The following GTF2IRD1 variants were observed in gnomAD, a reference collection of about 807,000 sequenced individuals.
GTF2IRD1 encodes the protein general transcription factor II-I repeat domain-containing protein 1.
Under a neutral mutation model 113.2 loss-of-function variants are expected in GTF2IRD1, and 26 were observed. That is an observed-to-expected ratio of 0.23 (90% confidence interval 0.17 to 0.32). The LOEUF is 0.32. GTF2IRD1 is among the 10% of genes least tolerant of loss of function. The pLI is 1.00. For missense variants in GTF2IRD1, 864 were observed against 1,280.8 expected (o/e 0.67, Z 4.97); for synonymous variants, 484 against 529.1 (o/e 0.91, Z 1.17).
rs782074135 is a variant in GTF2IRD1, at chr7:74,529,776, G to A, written c.1133G>A (p.Arg378Gln). 2.5e-6 allele frequency: 4 copies of A among 1,614,042 alleles called. No individual in the cohort carries two copies. Among genetic ancestry groups the A allele is most frequent in the Non-Finnish European group, 3.4e-6 (4 of 1,179,996 alleles). ...GACCACATGGTCCCCGTGCCCTACC[G>A]GAAGATTGCCTGTGACCCGGAGGCT... is the stretch of plus-strand genomic sequence containing the variant. ...GLDHMVPVPY[R>Q]KIACDPEAVE... Residue 378 changes from arginine to glutamine, a missense_variant, in exon 9 of 27, where the codon CGG becomes CAG. Around this residue, in one of 7 missense-constraint regions of GTF2IRD1, gnomAD observed 218 missense variants for 352.6 expected, o/e 0.62. Coordinates refer to ENST00000424337, the MANE Select transcript of GTF2IRD1 (RefSeq NM_005685.4).
At chr7:74,543,698 G>A (rs1489374024) in intron 14 of GTF2IRD1, among the ~76,000 whole-genome samples, 5 of 151,876 alleles carry the variant, frequency 3.3e-5, no homozygotes, top group Non-Finnish European at 5.9e-5. Context: ...CCAGGAGTTC[G>A]AGACCAGCTT....
At chr7:74,526,905 G>A (rs587696570) in intron 8 of GTF2IRD1, among the ~76,000 whole-genome samples, 2 of 152,256 alleles carry the variant, frequency 1.3e-5, no homozygotes, top group South Asian at 2.1e-4. Flanking sequence ...TGCCAAAGCC[G>A]CCAACGCAGA....
At chr7:74,522,278 A>G (rs1562831822) in intron 7 of GTF2IRD1, among the ~76,000 whole-genome samples, 3 of 151,976 alleles carry the variant, frequency 2.0e-5, no homozygotes, top group Non-Finnish European at 4.4e-5. Context: ...TTTTTAAAGT[A>G]TCACACAGAA....
intron 1 of GTF2IRD1, 143 bp from the exon 2 acceptor site, chr7:74,507,932 G>A: frequency 2.4e-6 from 2 of 832,888 alleles, no homozygotes; most frequent in Non-Finnish European, 3.6e-6. Context: ...CACACATAAA[G>A]CCCTTGGGCC....
intron 22 of GTF2IRD1, among the ~76,000 whole-genome samples, chr7:74,568,360 G>A (rs368634327): frequency 1.2e-3 from 61 of 50,948 alleles, no homozygotes; most frequent in Non-Finnish European, 1.7e-3. Context: ...AAAAAAGAAG[G>A]AGAAAGGGCC....
At chr7:74,576,114 T>C (rs1023360280) in intron 22 of GTF2IRD1, among the ~76,000 whole-genome samples, 3 of 151,684 alleles carry the variant, frequency 2.0e-5, no homozygotes, top group Non-Finnish European at 1.5e-5. Flanking sequence ...GAGCCACGAT[T>C]GTGCCACTGA....
intron 2 of GTF2IRD1, among the ~76,000 whole-genome samples, chr7:74,508,425 C>T (rs1284357873): frequency 2.6e-5 from 4 of 152,180 alleles, no homozygotes; most frequent in African/African-American, 9.7e-5. Flanking sequence ...GGCACAGTGG[C>T]TCATGCCTGT....
chr7:74,457,443 G>A (rs1343027144), intron 1 of GTF2IRD1, among the ~76,000 whole-genome samples: 12 of 152,106 alleles, frequency 7.9e-5, no homozygotes, highest in African/African-American at 2.7e-4. Context: ...ATGAAATCCT[G>A]CTCTTGAGCC....
rs782343426 is a variant in GTF2IRD1, at chr7:74,601,145, G to C, written c.2731G>C (p.Asp911His). 6.2e-7 allele frequency: 1 copy of C among 1,609,486 alleles called. No individual in the cohort carries two copies. Among genetic ancestry groups the C allele is most frequent in the Non-Finnish European group, 8.5e-7 (1 of 1,177,770 alleles). ...SSSSSSSSNP[D>H]SVASANQISL... ...TTCCTCTTCCTCGTCCTCTAACCCG[G>C]ATTCAGTGGCATCGGCCAACCAGAT... Residue 911 changes from aspartate to histidine, a missense_variant, in exon 26 of 27, where the codon GAT (aspartate) becomes CAT (histidine). Physicochemically the swap from Asp to His is moderately conservative, Grantham distance 81. Coordinates refer to ENST00000424337, the MANE Select transcript of GTF2IRD1 (RefSeq NM_005685.4).
chr7:74,508,212 C>T lies in GTF2IRD1; in HGVS notation c.123+9C>T, dbSNP rs1796408043. Reference sequence around the variant, plus strand: ...CTGCCTTAGACTCCATGGTGAGTGTCCCCACCCACCCAAGAGGAGGGGACA... The same window carrying T: ...CTGCCTTAGACTCCATGGTGAGTGTTCCCACCCACCCAAGAGGAGGGGACA... On this transcript the variant is annotated intron_variant, in intron 2 of 26. Coordinates refer to ENST00000424337, the MANE Select transcript of GTF2IRD1 (RefSeq NM_005685.4). The T allele has an allele frequency of 6.2e-7, 1 of 1,609,620 alleles. No homozygotes were observed. The highest frequency in any genetic ancestry group is 1.1e-5 in the South Asian group (1 of 90,790).
At chr7:74,542,260 A>C (rs1461409738) in intron 14 of GTF2IRD1, among the ~76,000 whole-genome samples, 2 of 152,108 alleles carry the variant, frequency 1.3e-5, no homozygotes, top group Non-Finnish European at 2.9e-5. Flanking sequence ...TTAGCTGGGC[A>C]TGGTGGCAGG....
At chr7:74,472,581 T>C (rs533664487) in intron 1 of GTF2IRD1, among the ~76,000 whole-genome samples, 29 of 152,114 alleles carry the variant, frequency 1.9e-4, no homozygotes, top group Non-Finnish European at 3.4e-4. Flanking sequence ...ACCCCATCTC[T>C]ATTAAAAATA....
intron 7 of GTF2IRD1, among the ~76,000 whole-genome samples, 155 bp from the exon 8 acceptor site, chr7:74,523,916 T>C (rs1252047747): frequency 2.6e-5 from 4 of 152,016 alleles, no homozygotes; most frequent in Non-Finnish European, 4.4e-5. Context: ...GCACCCTGAA[T>C]TCGTGTATGG....
In GTF2IRD1 at chr7:74,601,049, G is replaced by C. The variant is rs587757377; in HGVS notation, c.2635G>C (p.Asp879His). The C allele has an allele frequency of 3.9e-5, 63 of 1,614,176 alleles. 3 individuals are homozygous for C. In the South Asian group the frequency reaches 6.9e-4, roughly 18 times the overall value. The change falls in exon 26 of 27, where the codon GAC becomes CAC. Residue 879 changes from aspartate (D) to histidine (H), a missense_variant. Around this residue, in one of 7 missense-constraint regions of GTF2IRD1, gnomAD observed 55 missense variants for 52.2 expected, o/e 1.05. Coordinates refer to ENST00000424337, the MANE Select transcript of GTF2IRD1 (RefSeq NM_005685.4). The part of the protein sequence containing the change: ...ICNDAKVPAK[D>H]SSIPKRKRKR... ...GCCTTTTCCCCTCCTTCCAGCCAAA[G>C]ACAGCAGCATTCCCAAGCGCAAGAG...
intron 1 of GTF2IRD1, among the ~76,000 whole-genome samples, chr7:74,472,438 C>A (rs528616906): frequency 1.3e-5 from 2 of 152,164 alleles, no homozygotes; most frequent in African/African-American, 4.8e-5. Context: ...TCTAGAGTTA[C>A]GAGGATCAAG....
chr7:74,480,197 C>G (rs1198027485), intron 1 of GTF2IRD1, among the ~76,000 whole-genome samples: 2 of 151,950 alleles, frequency 1.3e-5, no homozygotes, highest in South Asian at 2.1e-4. Context: ...TCCCTGCCAG[C>G]CTGGGAATCC....
intron 1 of GTF2IRD1, among the ~76,000 whole-genome samples, chr7:74,504,656 G>A (rs1300892331): frequency 6.6e-6 from 1 of 151,632 alleles, no homozygotes; most frequent in Non-Finnish European, 1.5e-5. Flanking sequence ...AGTGATGCTG[G>A]AAGAAGGATA....
intron 1 of GTF2IRD1, among the ~76,000 whole-genome samples, chr7:74,478,432 G>C (rs941193055): frequency 4.6e-5 from 7 of 151,746 alleles, no homozygotes; most frequent in Non-Finnish European, 1.0e-4. Context: ...TGCTCAGTGG[G>C]GAGAGGAAAG....
At position 74,601,017 on chromosome 7, in the gene GTF2IRD1, G is replaced by A. The variant is rs781821969; in HGVS notation, c.2630-27G>A. The A allele has an allele frequency of 3.0e-5, 49 of 1,613,450 alleles. No homozygotes were observed. The East Asian group carries it at 1.0e-3, about 34-fold the overall frequency. On this transcript the variant is annotated intron_variant, in intron 25 of 26. Transcript: ENST00000424337. ...AGACAGAAAAGCCTCAGCTTCCAGTGTCAACAGCCTTTTCCCCTCCTTCCA... is the reference window on the plus strand; with the variant it reads ...AGACAGAAAAGCCTCAGCTTCCAGTATCAACAGCCTTTTCCCCTCCTTCCA...
Sources: allele counts gnomAD v4.1 joint callset (sites outside exome capture counted in the v4.1 genomes callset), GRCh38; gene constraint gnomAD v4.1.1; regional missense constraint gnomAD v4.1.1; transcripts MANE v1.5; gene names NCBI Gene and HGNC (gene_info 2026-07-23, HGNC 2026-07-21).